The following CCDC30 variants were observed in gnomAD, a reference collection of about 807,000 sequenced individuals.
CCDC30 encodes coiled-coil domain containing 30, also known as coiled-coil domain-containing protein 30.
Under a neutral mutation model 100.2 loss-of-function variants are expected in CCDC30, and 70 were observed. The observed-to-expected ratio is 0.70, with a 90% CI of 0.58 to 0.85. The LOEUF is 0.85. CCDC30 is among the 40% of genes least tolerant of loss of function. The pLI is 0.00. For synonymous variants in CCDC30, 233 were observed against 269.5 expected (o/e 0.86, Z 1.33); for missense variants, 652 against 771.2 (o/e 0.85, Z 1.83).
At chr1:42,627,744 G>T (rs1646959752) in intron 11 of CCDC30, among the ~76,000 whole-genome samples, 1 of 152,240 alleles carries the variant, frequency 6.6e-6, no homozygotes, top group Admixed American at 6.5e-5. Flanking sequence ...TCCATGTGGT[G>T]TTGAGTTTGT....
intron 9 of CCDC30, among the ~76,000 whole-genome samples, chr1:42,587,890 T>G (rs1391513508): frequency 6.6e-6 from 1 of 152,176 alleles, no homozygotes; most frequent in African/African-American, 2.4e-5. Context: ...TCCCATTGCT[T>G]AGTGCACAGA....
At chr1:42,456,624 C>G in the CCDC30 span, 1 of 1,577,446 alleles carries the variant, frequency 6.3e-7, no homozygotes, top group Non-Finnish European at 8.6e-7. Flanking sequence ...GCGCGCTGGG[C>G]TGAGGTTATG....
intron 6 of CCDC30, among the ~76,000 whole-genome samples, chr1:42,511,624 C>T (rs2148492010): frequency 6.6e-6 from 1 of 152,232 alleles, no homozygotes; most frequent in African/African-American, 2.4e-5. Context: ...CCAATTAGGA[C>T]TCCTAATTGT....
intron 11 of CCDC30, among the ~76,000 whole-genome samples, chr1:42,624,008 G>A (rs781689803): frequency 3.9e-5 from 6 of 152,116 alleles, no homozygotes; most frequent in Middle Eastern, 3.4e-3. Context: ...AAATGGAATC[G>A]CTTTTTAATT....
At chr1:42,557,520 G>T (rs1178332114) in intron 6 of CCDC30, among the ~76,000 whole-genome samples, 1 of 151,668 alleles carries the variant, frequency 6.6e-6, no homozygotes, top group Non-Finnish European at 1.5e-5. Context: ...TCACTCTATT[G>T]CCACAATAGG....
At chr1:42,603,692 C>T (rs953235416) in intron 10 of CCDC30, among the ~76,000 whole-genome samples, 2 of 152,192 alleles carry the variant, frequency 1.3e-5, no homozygotes, top group Non-Finnish European at 1.5e-5. Flanking sequence ...TGCAGAATGG[C>T]GCTGTCACTT....
chr1:42,481,292 T>C (rs1643953134), intron 2 of CCDC30, among the ~76,000 whole-genome samples: 2 of 151,724 alleles, frequency 1.3e-5, no homozygotes, highest in African/African-American at 4.8e-5. Flanking sequence ...ACCATGGGAC[T>C]AGGCCAGGTG....
chr1:42,587,584 G>A (rs1268465787), intron 9 of CCDC30, among the ~76,000 whole-genome samples: 1 of 151,978 alleles, frequency 6.6e-6, no homozygotes, highest in Non-Finnish European at 1.5e-5. Flanking sequence ...AGAAACATAA[G>A]GAGAAGAACG....
chr1:42,582,863 C>T (rs1645994727), intron 9 of CCDC30, among the ~76,000 whole-genome samples: 1 of 152,156 alleles, frequency 6.6e-6, no homozygotes, highest in Non-Finnish European at 1.5e-5. Flanking sequence ...GATCTTCCTC[C>T]CACTTGTGTA....
chr1:42,656,053 C>T (rs1035539046), downstream of CCDC30, among the ~76,000 whole-genome samples: 2 of 151,508 alleles, frequency 1.3e-5, no homozygotes, highest in Admixed American at 6.6e-5. Flanking sequence ...TTTGTAAAGA[C>T]GAGGTCTCAC....
rs371589156 is a variant in CCDC30, at chr1:42,482,992, G to A, written c.169+176G>A. 186 of 416,916 alleles carry A rather than the reference G, an allele frequency of 4.5e-4. 1 individual carries two copies. In the East Asian group the frequency reaches 5.4e-3, roughly 12 times the overall value. The allele number at this position is 416,916 out of a possible 1,614,324, so 25.8% of individuals were successfully genotyped here. ...GCTAGGAATTTTTGTCAAAGCCCAA[G>A]CATATCTACCAAAAGTGCACAACTT... is the stretch of plus-strand genomic sequence containing the variant. On this transcript the variant is annotated intron_variant, in intron 3 of 16. Transcript: ENST00000668663.
chr1:42,476,136 C>T lies in CCDC30; in HGVS notation c.-91-4325C>T, dbSNP rs180764133. On this transcript the variant is annotated intron_variant, in intron 1 of 16. Transcript: ENST00000668663. ...CTGTAAAGAATTCTCTTGGCCTCAACTTCCCATCCTTAATCAGAAGAGTGT... is the reference window on the plus strand; with the variant it reads ...CTGTAAAGAATTCTCTTGGCCTCAATTTCCCATCCTTAATCAGAAGAGTGT... Among the ~76,000 whole-genome samples the T allele has an allele frequency of 9.5e-4, 145 of 152,246 alleles. 1 individual carries two copies. Among genetic ancestry groups the T allele is most frequent in the Middle Eastern group, 3.4e-3 (1 of 294 alleles).
chr1:42,589,223 CAA>C (rs57920969), intron 9 of CCDC30, 96 bp from the exon 14 acceptor site: 142,434 of 794,508 alleles, frequency 0.18, 3,931 homozygotes, highest in Non-Finnish European at 0.19. Flanking sequence ...TTCATTGAAC[CAA>C]AAAAAAAAAA....
intron 11 of CCDC30, among the ~76,000 whole-genome samples, chr1:42,627,663 A>G (rs113367695): frequency 0.086 from 13,104 of 152,184 alleles, 672 homozygotes; most frequent in South Asian, 0.15. Context: ...CACTCCAGCC[A>G]TGGCTGAAAG....
chr1:42,533,360 T>C (rs1009672613), intron 6 of CCDC30, among the ~76,000 whole-genome samples: 1 of 152,064 alleles, frequency 6.6e-6, no homozygotes, highest in African/African-American at 2.4e-5. Context: ...TGGAGGGGTA[T>C]TGAGAATTAA....
intron 10 of CCDC30, among the ~76,000 whole-genome samples, chr1:42,603,566 CAAT>C (rs1401951443): frequency 3.9e-5 from 6 of 152,302 alleles, no homozygotes; most frequent in Admixed American, 6.5e-5. Context: ...ATTAAAACAA[CAAT>C]GAGATACTAC....
intron 6 of CCDC30, among the ~76,000 whole-genome samples, chr1:42,501,002 G>C (rs1644304787): frequency 6.6e-6 from 1 of 152,058 alleles, no homozygotes; most frequent in Non-Finnish European, 1.5e-5. Flanking sequence ...GTTTTATAAA[G>C]AGTAGAAGTT....
At chr1:42,506,806 C>G (rs1644401368) in intron 6 of CCDC30, among the ~76,000 whole-genome samples, 1 of 152,164 alleles carries the variant, frequency 6.6e-6, no homozygotes, top group Non-Finnish European at 1.5e-5. Flanking sequence ...AAATGGAAGT[C>G]TAGATTACCA....
Position 42,642,623 on chromosome 1 carries a change from T to G in CCDC30, c.1556+14T>G. On this transcript the variant is annotated intron_variant, in intron 13 of 16. Coordinates refer to ENST00000668663, the Ensembl canonical transcript of CCDC30. The stretch of plus-strand genomic sequence containing the variant: ...CATCCAGAGCAGGTAGGTGCCATCC[T>G]GCCTGGGAGCCAATAAACTCCACAA... 1 of 1,540,024 alleles carries G rather than the reference T, an allele frequency of 6.5e-7. No homozygotes were observed.
Sources: allele counts gnomAD v4.1 joint callset (sites outside exome capture counted in the v4.1 genomes callset), GRCh38; gene constraint gnomAD v4.1.1; transcripts MANE v1.5; gene names NCBI Gene and HGNC (gene_info 2026-07-23, HGNC 2026-07-21).